IGFN1: variants seen among roughly 807,000 people sequenced by gnomAD.
IGFN1 encodes the protein immunoglobulin-like and fibronectin type III domain-containing protein 1.
Under a neutral mutation model 289.5 loss-of-function variants are expected in IGFN1, and 253 were observed. The ratio of observed to expected loss-of-function variants is 0.87; its 90% CI spans 0.79 to 0.97. IGFN1 has a LOEUF of 0.97. Ranked by LOEUF, IGFN1 falls within the 50% of genes least tolerant of loss-of-function variation. IGFN1 has a pLI of 0.00. For missense variants in IGFN1, 4,470 were observed against 4,686.1 expected (o/e 0.95, Z 1.35); for synonymous variants, 1,706 against 1,788.5 (o/e 0.95, Z 1.16).
At position 201,227,154 on chromosome 1, in the gene IGFN1, G is replaced by A; in HGVS notation, c.11059G>A (p.Val3687Met). ...SPKDSGEYKAVAENTLGQAVS... is the reference protein window; with the variant it reads ...SPKDSGEYKAMAENTLGQAVS... ...GAAGGACAGCGGGGAGTACAAGGCT[G>A]TGGCTGAGAACACGCTGGGCCAGGC... The change falls in exon 23 of 24, where the codon GTG becomes ATG. Residue 3687 changes from valine to methionine, a missense_variant. Coordinates refer to ENST00000335211, the MANE Select transcript of IGFN1 (RefSeq NM_001164586.2). 2 of 1,612,734 alleles carry A rather than the reference G, an allele frequency of 1.2e-6. No homozygotes were observed. Among genetic ancestry groups the A allele is most frequent in the African/African-American group, 1.3e-5 (1 of 75,060 alleles).
chr1:201,215,445 T>C (rs1355607184), intron 14 of IGFN1, 94 bp from the exon 15 acceptor site: 19 of 1,170,542 alleles, frequency 1.6e-5, no homozygotes, highest in Admixed American at 2.5e-5. Flanking sequence ...GATTCCTTAC[T>C]CTTCCCCCAA....
intron 5 of IGFN1, 72 bp downstream of exon 5, chr1:201,197,389 G>A: frequency 1.1e-6 from 1 of 943,156 alleles, no homozygotes; most frequent in Non-Finnish European, 1.7e-6. Context: ...ATGCCCCGTG[G>A]CTAGTGAGGG....
rs1457922564 is a variant in IGFN1 at position 201,211,159 on chromosome 1, G to A, written c.6266G>A (p.Arg2089Lys). 2 of 1,531,326 alleles carry A rather than the reference G, an allele frequency of 1.3e-6. No homozygotes were observed. The highest frequency in any genetic ancestry group is 1.4e-5 in the African/African-American group (1 of 72,408). The allele number at this position is 1,531,326 out of a possible 1,614,324, so 94.9% of individuals were successfully genotyped here. The change falls in exon 12 of 24, where the codon AGG (arginine) becomes AAG (lysine). Residue 2089 changes from arginine to lysine, a missense_variant. By Grantham distance (26) the Arg-to-Lys change is conservative. Transcript: ENST00000335211. ...GMGSGSKTGF[R>K]DGLGGSEEME... ...GGTTCAGGGAGTAAGACAGGTTTCA[G>A]GGATGGTTTAGGGGGTTCTGAAGAA...
chr1:201,201,567 G>A (rs1396638864), intron 8 of IGFN1, among the ~76,000 whole-genome samples, 152 bp from the exon 9 acceptor site: 4 of 152,192 alleles, frequency 2.6e-5, no homozygotes, highest in Non-Finnish European at 5.9e-5. Context: ...CCTTCCTTGA[G>A]GGGCTTACTT....
intron 20 of IGFN1, among the ~76,000 whole-genome samples, chr1:201,223,960 T>A (rs1030971813): frequency 1.3e-5 from 2 of 152,220 alleles, no homozygotes; most frequent in African/African-American, 4.8e-5. Flanking sequence ...GCACATTGAG[T>A]AGTTACCATG....
chr1:201,211,243 G>T lies in IGFN1; in HGVS notation c.6350G>T (p.Gly2117Val), dbSNP rs1434695038. 31 of 1,533,042 alleles carry T rather than the reference G, an allele frequency of 2.0e-5. No homozygotes were observed. In the Admixed American group the frequency reaches 5.7e-4, roughly 28 times the overall value. 95.0% of individuals were successfully genotyped at this position (1,533,042 alleles called of 1,614,324 possible). The change falls in exon 12 of 24, where the codon GGT becomes GTT. Residue 2117 changes from glycine (G) to valine (V), a missense_variant. By Grantham distance (109) the Gly-to-Val change is moderately radical. Transcript: ENST00000335211. ...GATTTGGGGGCTCCTGAGGGAATAG[G>T]TTCAGGAAGTAAGGCAGGTTTTAGG... ...RKDLGAPEGI[G>V]SGSKAGFRDG...
intron 17 of IGFN1, 35 bp downstream of exon 17, chr1:201,217,495 AC>A (rs762066464): frequency 1.1e-5 from 17 of 1,606,264 alleles, no homozygotes; most frequent in Non-Finnish European, 1.3e-5. Flanking sequence ...GCTTCCTTAG[AC>A]CCCTCCTGGC....
rs1456464108 is a variant in IGFN1, at chr1:201,228,400, C to A, written c.*1C>A. The A allele has an allele frequency of 6.2e-7, 1 of 1,613,842 alleles. No homozygotes were observed. Among genetic ancestry groups the A allele is most frequent in the African/African-American group, 1.3e-5 (1 of 74,912 alleles). On this transcript the variant is annotated 3_prime_UTR_variant, in exon 24 of 24. Coordinates refer to ENST00000335211, the MANE Select transcript of IGFN1 (RefSeq NM_001164586.2). ...GTGTCTTGCAGAACCCAGCACCTAGCCTCACCTCACCCTGGGATGGTCCTG... is the reference window on the plus strand; with the variant it reads ...GTGTCTTGCAGAACCCAGCACCTAGACTCACCTCACCCTGGGATGGTCCTG...
chr1:201,193,427 CTTATT>C (rs796775773), intron 2 of IGFN1, 127 bp downstream of exon 2: 308 of 667,362 alleles, frequency 4.6e-4, no homozygotes, highest in African/African-American at 4.6e-3. Context: ...TTTTTTTCTC[CTTATT>C]TTATTTTATT....
rs1667462141 is a variant in IGFN1 at position 201,207,092 on chromosome 1, A to T, written c.2199A>T (p.Ser733=). Residue 733 remains serine (S), a synonymous_variant, in exon 12 of 24, where the codon TCA becomes TCT. Coordinates refer to ENST00000335211, the MANE Select transcript of IGFN1 (RefSeq NM_001164586.2). ...GGKDFQEPSI[S]GGRKFLLGDG... ...AGGACTTCCAGGAACCATCAATATCAGGTGGTAGAAAATTCCTTCTGGGAG... is the reference window on the plus strand; with the variant it reads ...AGGACTTCCAGGAACCATCAATATCTGGTGGTAGAAAATTCCTTCTGGGAG... 1 of 1,536,934 alleles carries T rather than the reference A, an allele frequency of 6.5e-7. No individual in the cohort carries two copies. Among genetic ancestry groups the T allele is most frequent in the East Asian group, 2.4e-5 (1 of 40,934 alleles).
intron 21 of IGFN1, 107 bp from the exon 22 acceptor site, chr1:201,225,717 A>T: frequency 1.0e-6 from 1 of 963,038 alleles, no homozygotes; most frequent in Non-Finnish European, 1.5e-6. Context: ...CTTGTGTGGC[A>T]AGACTGCGTT....
Position 201,207,435 on chromosome 1 carries a change from A to G in IGFN1, c.2542A>G (p.Arg848Gly). 3 of 1,529,050 alleles carry G rather than the reference A, an allele frequency of 2.0e-6. No individual in the cohort carries two copies. Among genetic ancestry groups the G allele is most frequent in the Non-Finnish European group, 2.6e-6 (3 of 1,142,994 alleles). 94.7% of individuals were successfully genotyped at this position (1,529,050 alleles called of 1,614,324 possible). ...SPWDDTPSSL[R>G]KTGAHHGPGV... The stretch of plus-strand genomic sequence containing the variant: ...TTGGGATGACACACCATCTAGCCTC[A>G]GAAAAACTGGGGCCCACCATGGGCC... The change falls in exon 12 of 24, where the codon AGA becomes GGA. Residue 848 changes from arginine (R) to glycine (G), a missense_variant. Around this residue, in one of 8 missense-constraint regions of IGFN1, gnomAD observed 2,011 missense variants for 1,953.4 expected, o/e 1.03. Transcript: ENST00000335211.
chr1:201,214,423 A>G, intron 13 of IGFN1, 122 bp downstream of exon 13: 5 of 1,040,672 alleles, frequency 4.8e-6, no homozygotes, highest in Non-Finnish European at 6.8e-6. Flanking sequence ...TAATGTATCC[A>G]CCTCAGGAGA....
Position 201,201,758 on chromosome 1 carries a change from AC to A in IGFN1, c.675del (p.Lys226ArgfsTer28). On this transcript the variant is annotated frameshift_variant, in exon 9 of 24. Coordinates refer to ENST00000335211, the MANE Select transcript of IGFN1 (RefSeq NM_001164586.2). LOFTEE classifies it high-confidence loss of function. ...TISSLRHIRV[T>X]KDGNAKFDLE... ...CTCCAGCTTAAGACACATCAGGGTC[AC>A]CAAGGATGGGAATGCAAAGTTTGAC... 1 of 1,550,556 alleles carries A rather than the reference AC, an allele frequency of 6.4e-7. No homozygotes were observed. The highest frequency in any genetic ancestry group is 8.7e-7 in the Non-Finnish European group (1 of 1,145,666).
chr1:201,225,764 G>T lies in IGFN1; in HGVS notation c.10487-60G>T, dbSNP rs903619853. ...TCAGAAGTCCTGGGACCTGGAGGGG[G>T]CTGGTAGCAGCCCTGCTGGGTCCCC... On this transcript the variant is annotated intron_variant, in intron 21 of 23. Coordinates refer to ENST00000335211, the MANE Select transcript of IGFN1 (RefSeq NM_001164586.2). 1.2e-5 allele frequency: 17 copies of T among 1,468,948 alleles called. No homozygotes were observed. The East Asian group carries it at 3.5e-4, about 31-fold the overall frequency. 91.0% of individuals were successfully genotyped at this position (1,468,948 alleles called of 1,614,324 possible).
Position 201,215,186 on chromosome 1 carries a change from T to C in IGFN1, c.8995+32T>C, listed in dbSNP as rs1199877664. 1.3e-5 allele frequency: 20 copies of C among 1,581,290 alleles called. No homozygotes were observed. The African/African-American group carries it at 2.4e-4, about 19-fold the overall frequency. ...CCCAGCCCTGCCCTGCCCTGCCCTGTCCTGTCCCACAGTCTCTTTGTACCA... is the reference window on the plus strand; with the variant it reads ...CCCAGCCCTGCCCTGCCCTGCCCTGCCCTGTCCCACAGTCTCTTTGTACCA... On this transcript the variant is annotated intron_variant, in intron 14 of 23. Coordinates refer to ENST00000335211, the MANE Select transcript of IGFN1 (RefSeq NM_001164586.2).
In IGFN1 at chr1:201,212,929, G is replaced by A. The variant is rs1172999810; in HGVS notation, c.8036G>A (p.Gly2679Asp). ...GGFKGGEGAPGQEAAGGCRSP... is the reference protein window; with the variant it reads ...GGFKGGEGAPDQEAAGGCRSP... The stretch of plus-strand genomic sequence containing the variant: ...TTTAAGGGTGGGGAGGGTGCACCAG[G>A]CCAAGAGGCGGCTGGTGGATGCCGA... Residue 2679 changes from glycine (G) to aspartate (D), a missense_variant, in exon 12 of 24, where the codon GGC (glycine) becomes GAC (aspartate). Coordinates refer to ENST00000335211, the MANE Select transcript of IGFN1 (RefSeq NM_001164586.2). 1.3e-6 allele frequency: 2 copies of A among 1,551,428 alleles called. No individual in the cohort carries two copies. Among genetic ancestry groups the A allele is most frequent in the African/African-American group, 1.4e-5 (1 of 73,048 alleles).
intron 11 of IGFN1, 149 bp downstream of exon 11, chr1:201,205,503 C>A: frequency 1.1e-6 from 1 of 893,634 alleles, no homozygotes; most frequent in South Asian, 1.8e-5. Context: ...GCAGTGCAGA[C>A]CTTCATGGCC....
At chr1:201,197,689 A>G (rs16848031) in intron 5 of IGFN1, among the ~76,000 whole-genome samples, 12,008 of 152,242 alleles carry the variant, frequency 0.079, 706 homozygotes, top group African/African-American at 0.16. Flanking sequence ...CCTATGCCAG[A>G]GTTGACAAAC....
Sources: allele counts gnomAD v4.1 joint callset (sites outside exome capture counted in the v4.1 genomes callset), GRCh38; gene constraint gnomAD v4.1.1; regional missense constraint gnomAD v4.1.1; transcripts MANE v1.5; gene names NCBI Gene and HGNC (gene_info 2026-07-23, HGNC 2026-07-21).